NTN5: variants seen among roughly 807,000 people sequenced by gnomAD.
The protein encoded by NTN5 is netrin-5.
NTN5 carries 42 observed loss-of-function variants against 38.7 expected under a neutral mutation model. That is an observed-to-expected ratio of 1.08 (90% CI 0.85 to 1.40). The LOEUF is 1.40. Ranked by LOEUF, NTN5 falls within the 40% of genes most tolerant of loss-of-function variation. The pLI is 0.00. For missense variants in NTN5, 658 were observed against 716.5 expected (o/e 0.92, Z 0.93); for synonymous variants, 329 against 303.9 (o/e 1.08, Z -0.86).
chr19:48,668,781 G>A (rs963641273), intron 2 of NTN5, among the ~76,000 whole-genome samples: 1 of 152,254 alleles, frequency 6.6e-6, no homozygotes, highest in Admixed American at 6.5e-5. Flanking sequence ...ATAAATATGT[G>A]TTTAATGACC....
intron 6 of NTN5, chr19:48,663,127 T>C: frequency 4.3e-6 from 2 of 461,948 alleles, no homozygotes; most frequent in South Asian, 1.6e-5. Context: ...AGAAAGGGTC[T>C]CTGAGATAGG....
intron 2 of NTN5, among the ~76,000 whole-genome samples, chr19:48,669,432 C>T (rs966054873): frequency 2.8e-4 from 11 of 38,978 alleles, no homozygotes; most frequent in African/African-American, 8.5e-4. Flanking sequence ...ACCACCATCA[C>T]CACCACCACC....
intron 2 of NTN5, among the ~76,000 whole-genome samples, chr19:48,669,791 A>G (rs1206377924): frequency 9.7e-6 from 1 of 102,866 alleles, no homozygotes; most frequent in Non-Finnish European, 2.0e-5. Flanking sequence ...CACCACCACC[A>G]TCACCATCAC....
In NTN5 at chr19:48,661,919, AGGCGTCCTGGTCGCCGCGTCGCACG is replaced by A; in HGVS notation, c.1203_1227del (p.Val402GlyfsTer7). 2 of 1,363,442 alleles carry A rather than the reference AGGCGTCCTGGTCGCCGCGTCGCACG, an allele frequency of 1.5e-6. No homozygotes were observed. The highest frequency in any genetic ancestry group is 1.9e-6 in the Non-Finnish European group (2 of 1,061,792). 84.5% of individuals were successfully genotyped at this position (1,363,442 alleles called of 1,614,324 possible). A position where few individuals can be genotyped will look rare whatever the true frequency, so the allele number is the denominator to read the frequency against. The stretch of plus-strand genomic sequence containing the variant: ...CAGGTCAGGTCGGCGCGGGGCACCC[AGGCGTCCTGGTCGCCGCGTCGCACG>A]GGCTGCGCCCGCTGCTTGTAAACGG... On this transcript the variant is annotated frameshift_variant, in exon 7 of 7. Transcript: ENST00000270235. LOFTEE classifies it low-confidence loss of function (END_TRUNC).
intron 6 of NTN5, chr19:48,662,358 G>T (rs1226959840): frequency 8.2e-6 from 2 of 242,922 alleles, no homozygotes; most frequent in Non-Finnish European, 1.6e-5. Flanking sequence ...GGAAGGAGGG[G>T]TCACATTGCC....
rs777995389 is a variant in NTN5 at position 48,670,481 on chromosome 19, C to T, written c.506G>A (p.Arg169His). ...GCAGTGGCAGCGGGGGGGCCGGGCACGGGCGGCACAGCGGGCAGCGTGGCC... is the reference window on the plus strand; with the variant it reads ...GCAGTGGCAGCGGGGGGGCCGGGCATGGGCGGCACAGCGGGCAGCGTGGCC... ...CHGHAARCAA[R>H]ARPPRCHCRH... Residue 169 changes from arginine (R) to histidine (H), a missense_variant, in exon 2 of 7, where the codon CGT (arginine) becomes CAT (histidine). By Grantham distance (29) the Arg-to-His change is conservative (BLOSUM62 0). Coordinates refer to ENST00000270235, the MANE Select transcript of NTN5 (RefSeq NM_145807.4). The T allele has an allele frequency of 2.4e-5, 35 of 1,475,024 alleles. 1 individual carries two copies. Among genetic ancestry groups the T allele is most frequent in the East Asian group, 7.4e-5 (3 of 40,284 alleles). The allele number at this position is 1,475,024 out of a possible 1,614,324, so 91.4% of individuals were successfully genotyped here. A position where few individuals can be genotyped will look rare whatever the true frequency, so the allele number is the denominator to read the frequency against.
rs1215972971 is a variant in NTN5 at position 48,670,428 on chromosome 19, C to T, written c.559G>A (p.Glu187Lys). The change falls in exon 2 of 7, where the codon GAG becomes AAG. Residue 187 changes from glutamate (E) to lysine (K), a missense_variant. By Grantham distance (56) the Glu-to-Lys change is moderately conservative. Transcript: ENST00000270235. ...TCTCGATGGGACGGGCGGCAGCTCT[C>T]GCACCCCGGGCCAGTGGTATGGTGG... is the stretch of plus-strand genomic sequence containing the variant. ...CRHHTTGPGC[E>K]SCRPSHRDWP... 14 of 1,453,478 alleles carry T rather than the reference C, an allele frequency of 9.6e-6. No individual in the cohort carries two copies. The highest frequency in any genetic ancestry group is 2.9e-5 in the African/African-American group (2 of 68,448). The allele number at this position is 1,453,478 out of a possible 1,614,324, so 90.0% of individuals were successfully genotyped here.
In NTN5 at chr19:48,667,374, C is replaced by G. The variant is rs576987175; in HGVS notation, c.632-2607G>C. On this transcript the variant is annotated intron_variant, in intron 2 of 6. Transcript: ENST00000270235. ...TTTGGAGGGCACTGCCCTGCTCAGTCTGGGGGGATGTGGTGACCCTCAGGA... is the reference window on the plus strand; with the variant it reads ...TTTGGAGGGCACTGCCCTGCTCAGTGTGGGGGGATGTGGTGACCCTCAGGA... 1.0e-3 allele frequency: 435 copies of G among 424,996 alleles called. 1 individual carries two copies. Among genetic ancestry groups the G allele is most frequent in the Non-Finnish European group, 1.7e-3 (367 of 210,718 alleles). The allele number at this position is 424,996 out of a possible 1,614,324, so 26.3% of individuals were successfully genotyped here. A position where few individuals can be genotyped will look rare whatever the true frequency, so the allele number is the denominator to read the frequency against.
At chr19:48,670,275 G>T in intron 2 of NTN5, 81 bp downstream of exon 2, 1 of 1,323,698 alleles carries the variant, frequency 7.6e-7, no homozygotes, top group South Asian at 2.0e-5. Flanking sequence ...AGCGAGGGAA[G>T]GGAACATCCT....
Position 48,663,776 on chromosome 19 carries a change from C to T in NTN5, c.1009G>A (p.Gly337Ser), listed in dbSNP as rs1267502542. 2 of 1,614,110 alleles carry T rather than the reference C, an allele frequency of 1.2e-6. No homozygotes were observed. Among genetic ancestry groups the T allele is most frequent in the Non-Finnish European group, 1.7e-6 (2 of 1,179,978 alleles). Residue 337 changes from glycine (G) to serine (S), a missense_variant, in exon 5 of 7, where the codon GGT becomes AGT. By Grantham distance (56) the Gly-to-Ser change is moderately conservative (BLOSUM62 0). Transcript: ENST00000270235. The part of the protein sequence containing the change: ...EATTTLATTP[G>S]AYSSDPQCQN... ...ACTGTCTTACCAGAGCTATAAGCACCAGGAGTAGTGGCAAGGGTGGTTGTT... is the reference window on the plus strand; with the variant it reads ...ACTGTCTTACCAGAGCTATAAGCACTAGGAGTAGTGGCAAGGGTGGTTGTT...
chr19:48,662,172 A>T, intron 6 of NTN5, 131 bp from the exon 7 acceptor site: 1 of 1,003,316 alleles, frequency 1.0e-6, no homozygotes, highest in South Asian at 2.1e-5. Flanking sequence ...GTGGGGAGAG[A>T]AACCTTGAAC....
In NTN5 at chr19:48,661,866, G is replaced by T. The variant is rs1456101682; in HGVS notation, c.1281C>A (p.Thr427=). Reference sequence around the variant, plus strand: ...CGGCGCTGCCCAGCAGCAGGTAGTCGGTGCCTGGCTGCAGGCGCAGGCAGC... The same window carrying T: ...CGGCGCTGCCCAGCAGCAGGTAGTCTGTGCCTGGCTGCAGGCGCAGGCAGC... ...TCGCLRLQPG[T]DYLLLGSAVG... The change falls in exon 7 of 7, where the codon ACC becomes ACA. Residue 427 remains threonine, a synonymous_variant. Coordinates refer to ENST00000270235, the MANE Select transcript of NTN5 (RefSeq NM_145807.4). 4 of 1,342,350 alleles carry T rather than the reference G, an allele frequency of 3.0e-6. No homozygotes were observed. Among genetic ancestry groups the T allele is most frequent in the Non-Finnish European group, 2.9e-6 (3 of 1,050,018 alleles). The allele number at this position is 1,342,350 out of a possible 1,614,324, so 83.2% of individuals were successfully genotyped here. A position where few individuals can be genotyped will look rare whatever the true frequency, so the allele number is the denominator to read the frequency against.
intron 1 of NTN5, among the ~76,000 whole-genome samples, chr19:48,671,402 C>T (rs2031958941): frequency 6.6e-6 from 1 of 151,756 alleles, no homozygotes; most frequent in South Asian, 2.1e-4. Flanking sequence ...GATGAAGACT[C>T]AGTCACAAAG....
chr19:48,664,091 A>T lies in NTN5; in HGVS notation c.970+52T>A, dbSNP rs974228268. Reference sequence around the variant, plus strand: ...TGCAGCTGTGCACTGGAGACCTGGGATGTCTCCTTCCCGCTCTACTCAGGC... The same window carrying T: ...TGCAGCTGTGCACTGGAGACCTGGGTTGTCTCCTTCCCGCTCTACTCAGGC... On this transcript the variant is annotated intron_variant, in intron 4 of 6. Transcript: ENST00000270235. 7.8e-6 allele frequency: 12 copies of T among 1,545,628 alleles called. No homozygotes were observed. In the African/African-American group the frequency reaches 1.5e-4, roughly 19 times the overall value.
intron 2 of NTN5, among the ~76,000 whole-genome samples, chr19:48,669,429 TCAC>T (rs1568452100): frequency 1.4e-3 from 2 of 1,380 alleles, no homozygotes; most frequent in Non-Finnish European, 2.7e-3. Context: ...ATCACCACCA[TCAC>T]CACCACCACC....
Position 48,661,972 on chromosome 19 carries a change from A to G in NTN5, c.1175T>C (p.Leu392Pro), listed in dbSNP as rs535238253. 3 of 1,469,702 alleles carry G rather than the reference A, an allele frequency of 2.0e-6. No homozygotes were observed. The East Asian group carries it at 9.0e-5, about 44-fold the overall frequency. The allele number at this position is 1,469,702 out of a possible 1,614,324, so 91.0% of individuals were successfully genotyped here. ...CTGCGCCCGCTGCTTGTAAACGGCC[A>G]GCACGCGCACGGCCAGCCGCTGCCA... ...PAWQRLAVRV[L>P]AVYKQRAQPV... The change falls in exon 7 of 7, where the codon CTG becomes CCG. Residue 392 changes from leucine (L) to proline (P), a missense_variant. By Grantham distance (98) the Leu-to-Pro change is moderately conservative (BLOSUM62 -3). Coordinates refer to ENST00000270235, the MANE Select transcript of NTN5 (RefSeq NM_145807.4).
At chr19:48,665,287 T>G (rs972558688) in intron 2 of NTN5, among the ~76,000 whole-genome samples, 1 of 151,306 alleles carries the variant, frequency 6.6e-6, no homozygotes, top group Non-Finnish European at 1.5e-5. Flanking sequence ...AATAAAAAAA[T>G]TAGTTGGCTG....
intron 1 of NTN5, among the ~76,000 whole-genome samples, chr19:48,671,450 A>T (rs2031959737): frequency 1.3e-5 from 2 of 152,050 alleles, no homozygotes; most frequent in African/African-American, 2.4e-5. Context: ...GAGGACAGTC[A>T]GCCTAGGGGA....
At chr19:48,672,225 C>T (rs1036041198) in intron 1 of NTN5, among the ~76,000 whole-genome samples, 4 of 152,224 alleles carry the variant, frequency 2.6e-5, no homozygotes, top group East Asian at 1.9e-4. Flanking sequence ...CCAGGGCGCC[C>T]GTGGGGGCAG....
Sources: gnomAD v4.1 joint callset for allele counts (sites outside exome capture counted in the v4.1 genomes callset) on GRCh38, gnomAD v4.1.1 for gene constraint, MANE v1.5 for transcripts, NCBI Gene and HGNC (gene_info 2026-07-23, HGNC 2026-07-21) for gene names.